The following PPP1R42 variants were observed in gnomAD, a reference collection of about 807,000 sequenced individuals.
PPP1R42 encodes leucine rich repeat containing 67.
Under a neutral mutation model 31.0 loss-of-function variants are expected in PPP1R42, and 34 were observed. The ratio of observed to expected loss-of-function variants is 1.10; its 90% CI spans 0.83 to 1.46. The LOEUF (loss-of-function observed/expected upper bound fraction) is 1.46. Ranked by LOEUF, PPP1R42 falls within the 40% of genes most tolerant of loss-of-function variation. The pLI is 0.00. For missense variants in PPP1R42, 268 were observed against 303.0 expected, an observed-to-expected ratio of 0.88 and a Z score of 0.86; for synonymous variants, 103 against 109.8, an observed-to-expected ratio of 0.94 and a Z score of 0.39.
chr8:67,004,932 T>G (rs1227144096), intron 5 of PPP1R42, among the ~76,000 whole-genome samples: 1 of 152,132 alleles, frequency 6.6e-6, no homozygotes, highest in African/African-American at 2.4e-5. Flanking sequence ...TTGGGAGATG[T>G]TTTCTCTTGA....
chr8:66,967,960 A>G lies in PPP1R42; in HGVS notation c.803-3626T>C, dbSNP rs538968821. Among the ~76,000 whole-genome samples the G allele has an allele frequency of 4.6e-5, 7 of 152,266 alleles. No homozygotes were observed. The South Asian group carries it at 1.2e-3, about 27-fold the overall frequency. On this transcript the variant is annotated intron_variant, in intron 7 of 7. Coordinates refer to ENST00000685739, the MANE Select transcript of PPP1R42 (RefSeq NM_001364910.1). The stretch of plus-strand genomic sequence containing the variant: ...TGCATTTAATGTCTATTTTAAAATT[A>G]CTAAGGCTCAGGCACCTCCTAGCAT...
chr8:66,977,147 C>T (rs1234879449), intron 7 of PPP1R42, among the ~76,000 whole-genome samples: 2 of 151,596 alleles, frequency 1.3e-5, no homozygotes, highest in East Asian at 1.9e-4. Flanking sequence ...AATTCTCTGC[C>T]TCAGCCTCCC....
intron 6 of PPP1R42, chr8:66,984,337 T>G: frequency 7.8e-7 from 1 of 1,276,424 alleles, no homozygotes; most frequent in Admixed American, 1.7e-5. Flanking sequence ...AGGTTCCTCA[T>G]GATCATCTCC....
chr8:67,019,237 C>CTTTTTT (rs1186280936), intron 1 of PPP1R42, among the ~76,000 whole-genome samples: 43 of 91,678 alleles, frequency 4.7e-4, no homozygotes, highest in African/African-American at 1.1e-3. Flanking sequence ...TTATGAGCAT[C>CTTTTTT]TTTTTTTTTT....
At chr8:66,994,846 T>C (rs1033493725) in intron 5 of PPP1R42, among the ~76,000 whole-genome samples, 2 of 152,196 alleles carry the variant, frequency 1.3e-5, no homozygotes, top group African/African-American at 2.4e-5. Context: ...GCAAAAGTAA[T>C]AACTTTAAAA....
intron 5 of PPP1R42, among the ~76,000 whole-genome samples, chr8:66,996,189 T>G (rs1015604623): frequency 2.0e-4 from 30 of 152,164 alleles, no homozygotes; most frequent in African/African-American, 7.0e-4. Context: ...TGGCTGGGAC[T>G]CAGGCATGTG....
At chr8:67,000,342 T>C (rs1815447469) in intron 5 of PPP1R42, among the ~76,000 whole-genome samples, 1 of 152,192 alleles carries the variant, frequency 6.6e-6, no homozygotes, top group African/African-American at 2.4e-5. Context: ...CTCTAAGCAT[T>C]ACTTTACTGT....
chr8:67,009,420 T>C (rs1050009666), intron 5 of PPP1R42, among the ~76,000 whole-genome samples: 5 of 146,304 alleles, frequency 3.4e-5, no homozygotes, highest in African/African-American at 1.0e-4. Context: ...ATATAAAAAT[T>C]AGCTGGGTGT....
intron 5 of PPP1R42, 120 bp downstream of exon 5, chr8:67,010,595 A>G: frequency 1.4e-6 from 1 of 711,554 alleles, no homozygotes; most frequent in Non-Finnish European, 2.3e-6. Flanking sequence ...TCATTAGCTA[A>G]TTTTAGAACA....
chr8:67,024,667 CG>C (rs1816337742), intron 1 of PPP1R42, among the ~76,000 whole-genome samples: 1 of 151,566 alleles, frequency 6.6e-6, no homozygotes, highest in Non-Finnish European at 1.5e-5. Flanking sequence ...TTAGTAGAGA[CG>C]GGGTTTCACC....
At chr8:67,016,026 T>G (rs531856805) in intron 2 of PPP1R42, among the ~76,000 whole-genome samples, 39 of 152,302 alleles carry the variant, frequency 2.6e-4, no homozygotes, top group African/African-American at 7.9e-4. Flanking sequence ...GGGGCTTTAC[T>G]GGGGGCTCTC....
At chr8:66,964,599 G>C (rs1814331507) in intron 7 of PPP1R42, among the ~76,000 whole-genome samples, 1 of 152,084 alleles carries the variant, frequency 6.6e-6, no homozygotes, top group Non-Finnish European at 1.5e-5. Flanking sequence ...TCTAAGATGA[G>C]GCAAATTTGA....
rs537982404 is a variant in PPP1R42, at chr8:66,965,259, G to A, written c.803-925C>T. ...AGCCTGGGCGACAGAGTGAGACTCC[G>A]TCTCAAAAAAAAAAAAAAAAAAGAA... On this transcript the variant is annotated intron_variant, in intron 7 of 7. Coordinates refer to ENST00000685739, the MANE Select transcript of PPP1R42 (RefSeq NM_001364910.1). 3.1e-3 allele frequency among the ~76,000 whole-genome samples: 398 copies of A among 129,870 alleles called. 1 individual carries two copies. The highest frequency in any genetic ancestry group is 4.7e-3 in the Non-Finnish European group (295 of 63,174). 85.2% of individuals were successfully genotyped at this position (129,870 alleles called of 152,430 possible).
Position 66,975,986 on chromosome 8 carries a change from A to T in PPP1R42, c.802+6063T>A, listed in dbSNP as rs1238074052. Among the ~76,000 whole-genome samples the T allele has an allele frequency of 2.0e-5, 3 of 152,302 alleles. No individual in the cohort carries two copies. The East Asian group carries it at 5.8e-4, about 29-fold the overall frequency. On this transcript the variant is annotated intron_variant, in intron 7 of 7. Transcript: ENST00000685739. ...GGTCCTGGTCTGTGGCCTATTAGAA[A>T]CTGGGCCGCATAGCAGAAGGTGAGT...
At chr8:66,981,538 C>A (rs978353320) in intron 7 of PPP1R42, among the ~76,000 whole-genome samples, 2 of 151,932 alleles carry the variant, frequency 1.3e-5, no homozygotes, top group Non-Finnish European at 2.9e-5. Flanking sequence ...TGTCACCACG[C>A]CTGGCTAATT....
chr8:66,975,387 C>G (rs901630204), intron 7 of PPP1R42, among the ~76,000 whole-genome samples: 1 of 152,170 alleles, frequency 6.6e-6, no homozygotes, highest in Non-Finnish European at 1.5e-5. Context: ...GTGGCTCATG[C>G]CTGTAATCCC....
chr8:67,010,821 C>A lies in PPP1R42; in HGVS notation c.446G>T (p.Cys149Phe), dbSNP rs767434503. Residue 149 changes from cysteine to phenylalanine, a missense_variant, in exon 5 of 8, where the codon TGT becomes TTT. Transcript: ENST00000685739. ...RTLHSLAKSL[C>F]ILNISNNNID... Reference sequence around the variant, plus strand: ...ATTATTATTGCTGATATTCAATATACAGAGGGATTTCTGTAAGAAAAATAA... The same window carrying A: ...ATTATTATTGCTGATATTCAATATAAAGAGGGATTTCTGTAAGAAAAATAA... 4.0e-5 allele frequency: 64 copies of A among 1,585,938 alleles called. 1 individual carries two copies. In the South Asian group the frequency reaches 7.4e-4, roughly 18 times the overall value.
At chr8:67,006,484 G>A (rs997831565) in intron 5 of PPP1R42, among the ~76,000 whole-genome samples, 2 of 152,096 alleles carry the variant, frequency 1.3e-5, no homozygotes, top group African/African-American at 4.8e-5. Context: ...CTGGGACTGA[G>A]TACCTAAGTA....
At chr8:66,986,420 G>A (rs1054102127) in intron 6 of PPP1R42, among the ~76,000 whole-genome samples, 5 of 152,088 alleles carry the variant, frequency 3.3e-5, no homozygotes, top group African/African-American at 1.2e-4. Flanking sequence ...GCCCCGAGAC[G>A]GAGGCCGAAA....
Sources: gnomAD v4.1 joint callset for allele counts (sites outside exome capture counted in the v4.1 genomes callset) on GRCh38, gnomAD v4.1.1 for gene constraint, MANE v1.5 for transcripts, NCBI Gene and HGNC (gene_info 2026-07-23, HGNC 2026-07-21) for gene names.